MIER2: variants seen among roughly 807,000 people sequenced by gnomAD.
MIER2 encodes the protein MIER family member 2, also known as mesoderm induction early response protein 2.
MIER2 carries 30 observed loss-of-function variants against 67.6 expected under a neutral mutation model. The ratio of observed to expected loss-of-function variants is 0.44; its 90% confidence interval spans 0.33 to 0.60. The LOEUF is 0.60. MIER2 is among the 20% of genes least tolerant of loss of function. The pLI, the probability that MIER2 is intolerant of heterozygous loss-of-function variation, is 0.02. For synonymous variants in MIER2, 372 were observed against 312.6 expected, an observed-to-expected ratio of 1.19 and a Z score of -2.00; for missense variants, 702 against 745.1, an observed-to-expected ratio of 0.94 and a Z score of 0.67.
intron 13 of MIER2, 40 bp downstream of exon 13, chr19:307,079 T>C (rs776359816): frequency 6.5e-7 from 1 of 1,537,270 alleles, no homozygotes. Context: ...GGGACCTGGT[T>C]GGAGTGTTGC....
chr19:310,821 C>T (rs185399192), intron 10 of MIER2, among the ~76,000 whole-genome samples: 263 of 148,536 alleles, frequency 1.8e-3, no homozygotes, highest in Non-Finnish European at 2.3e-3. Context: ...TGTAGAAACA[C>T]GGCCAGGAGT....
Position 336,100 on chromosome 19 carries a change from C to A in MIER2, c.83G>T (p.Gly28Val). ...LEHSLCPGEPGLQTTAVVSMG... is the reference protein window; with the variant it reads ...LEHSLCPGEPVLQTTAVVSMG... ...GAAGGTACCTGCTGTTGTCTGCAAG[C>A]CCGGCTCCCCTGGGCACAGGCTGTG... Residue 28 changes from glycine to valine, a missense_variant, in exon 2 of 14, where the codon GGC becomes GTC. Gly to Val is a moderately radical substitution (Grantham distance 109). Transcript: ENST00000264819. 6.2e-7 allele frequency: 1 copy of A among 1,613,834 alleles called. No homozygotes were observed. The highest frequency in any genetic ancestry group is 1.1e-5 in the South Asian group (1 of 91,052).
chr19:327,178 C>T lies in MIER2; in HGVS notation c.448G>A (p.Val150Met). 8 of 1,596,308 alleles carry T rather than the reference C, an allele frequency of 5.0e-6. No individual in the cohort carries two copies. Among genetic ancestry groups the T allele is most frequent in the Non-Finnish European group, 5.1e-6 (6 of 1,175,040 alleles). The change falls in exon 5 of 14, where the codon GTG (valine) becomes ATG (methionine). Residue 150 changes from valine to methionine, a missense_variant. By Grantham distance (21) the Val-to-Met change is conservative (BLOSUM62 1). Around this residue, in one of 3 missense-constraint regions of MIER2, gnomAD observed 320 missense variants for 292.6 expected, o/e 1.09. Coordinates refer to ENST00000264819, the MANE Select transcript of MIER2 (RefSeq NM_017550.3). ...AGGTCGGAGGCCTCGTGGGAGGTCA[C>T]GGACGGGGTGAGGTCGTCAGCAGAT... ...QSSADDLTPS[V>M]TSHEASDLFP...
intron 1 of MIER2, among the ~76,000 whole-genome samples, chr19:340,810 C>A (rs1972469396): frequency 6.6e-6 from 1 of 152,138 alleles, no homozygotes; most frequent in Admixed American, 6.6e-5. Context: ...TGGAGACTGA[C>A]AGGACCCATC....
Position 336,343 on chromosome 19 carries a change from T to C in MIER2, c.10-170A>G, listed in dbSNP as rs1170748606. On this transcript the variant is annotated intron_variant, in intron 1 of 13. Transcript: ENST00000264819. ...GGGGGCACTAGGAGCAGCACACGCA[T>C]GTGGCCGCCACTCGCCCCGCCTCCC... The C allele has an allele frequency of 2.0e-5, 12 of 613,442 alleles. No homozygotes were observed. In the East Asian group the frequency reaches 2.8e-4, roughly 14 times the overall value. 38.0% of individuals were successfully genotyped at this position (613,442 alleles called of 1,614,324 possible). A position where few individuals can be genotyped will look rare whatever the true frequency, so the allele number is the denominator to read the frequency against.
At chr19:318,183 G>A (rs555967244) in intron 7 of MIER2, among the ~76,000 whole-genome samples, 6 of 152,200 alleles carry the variant, frequency 3.9e-5, no homozygotes, top group South Asian at 2.1e-4. Context: ...CAGAGACTCC[G>A]TCTCAAAAAA....
Position 308,612 on chromosome 19 carries a change from C to T in MIER2, c.1163G>A (p.Arg388His), listed in dbSNP as rs201533895. 3.9e-5 allele frequency: 62 copies of T among 1,606,898 alleles called. No homozygotes were observed. The highest frequency in any genetic ancestry group is 6.7e-5 in the East Asian group (3 of 44,628). Residue 388 changes from arginine to histidine, a missense_variant, in exon 12 of 14, where the codon CGC becomes CAC. This residue lies in a region of MIER2 where 254 missense variants were observed against 262.8 expected (regional missense o/e 0.97). Transcript: ENST00000264819. The surrounding 1 kb of genome is among the most constrained non-coding windows in gnomAD (Gnocchi z 9.1). Reference protein sequence around the residue: ...GSDPDGPGRPRPEQDTLTGMR... With the variant: ...GSDPDGPGRPHPEQDTLTGMR... The stretch of plus-strand genomic sequence containing the variant: ...CCCAGTCAGGGTGTCTTGCTCCGGG[C>T]GCGGACGGCCGGGGCCATCGGGGTC...
chr19:315,096 G>A (rs1372300806), intron 7 of MIER2, among the ~76,000 whole-genome samples: 2 of 151,726 alleles, frequency 1.3e-5, no homozygotes, highest in Non-Finnish European at 2.9e-5. Context: ...CAGGCGTGGT[G>A]GCTCACGCCT....
At chr19:334,341 T>C (rs940842676) in intron 3 of MIER2, 59 bp downstream of exon 3, 1 of 1,603,818 alleles carries the variant, frequency 6.2e-7, no homozygotes, top group African/African-American at 1.3e-5. Context: ...ACAAAACTCA[T>C]GAGGCTTACC....
chr19:309,394 C>CA (rs1568215186), intron 10 of MIER2, among the ~76,000 whole-genome samples: 1 of 152,146 alleles, frequency 6.6e-6, no homozygotes, highest in Non-Finnish European at 1.5e-5. Context: ...GGAAGAGGCA[C>CA]AAGCCCGCGG....
intron 1 of MIER2, among the ~76,000 whole-genome samples, chr19:337,009 A>G (rs538321820): frequency 1.3e-5 from 2 of 152,120 alleles, no homozygotes; most frequent in Admixed American, 1.3e-4. Context: ...CGCCCAGCTA[A>G]TTTCTGTATT....
chr19:312,317 G>A (rs1470452156), intron 8 of MIER2, 45 bp from the exon 9 acceptor site: 2 of 1,585,468 alleles, frequency 1.3e-6, no homozygotes, highest in Non-Finnish European at 1.7e-6. Flanking sequence ...CAGCGCAGGA[G>A]CCGACAGCAA....
chr19:313,381 A>AT, intron 8 of MIER2, 111 bp downstream of exon 8: 1 of 1,502,822 alleles, frequency 6.7e-7, no homozygotes, highest in South Asian at 1.3e-5. Context: ...CACACACCTG[A>AT]CCCCTGCCCT....
chr19:325,111 C>G (rs377305221), intron 7 of MIER2, among the ~76,000 whole-genome samples: 44 of 152,208 alleles, frequency 2.9e-4, no homozygotes, highest in Admixed American at 1.2e-3. Flanking sequence ...CAGGGCAACA[C>G]AAATGAGACC....
chr19:319,605 C>T (rs12985853), intron 7 of MIER2, among the ~76,000 whole-genome samples: 38,592 of 151,946 alleles, frequency 0.25, 6,242 homozygotes, highest in Non-Finnish European at 0.35. Context: ...ACTACAGTTG[C>T]GTGCCACCAC....
chr19:344,323 G>A (rs749464963), intron 1 of MIER2: 24 of 984,956 alleles, frequency 2.4e-5, no homozygotes, highest in Non-Finnish European at 2.9e-5. Flanking sequence ...ATCCCGATGG[G>A]GAGCGCGGGG....
At chr19:323,421 A>T (rs1971587228) in intron 7 of MIER2, among the ~76,000 whole-genome samples, 1 of 151,866 alleles carries the variant, frequency 6.6e-6, no homozygotes, top group African/African-American at 2.4e-5. Context: ...ATCACAATGC[A>T]ATACACAGGA....
At chr19:340,967 C>T (rs1050824783) in intron 1 of MIER2, among the ~76,000 whole-genome samples, 3 of 152,222 alleles carry the variant, frequency 2.0e-5, no homozygotes, top group African/African-American at 7.2e-5. Context: ...GCATCTCACG[C>T]CTCCTGCCCT....
chr19:340,297 C>A (rs866373742), intron 1 of MIER2, among the ~76,000 whole-genome samples: 23 of 152,306 alleles, frequency 1.5e-4, no homozygotes, highest in Non-Finnish European at 2.5e-4. Context: ...GCAGGGGTTA[C>A]GGGTGCCAAC....
Sources: allele counts gnomAD v4.1 joint callset (sites outside exome capture counted in the v4.1 genomes callset), GRCh38; gene constraint gnomAD v4.1.1; regional missense constraint gnomAD v4.1.1; non-coding constraint Gnocchi (gnomAD v3.1); transcripts MANE v1.5; gene names NCBI Gene and HGNC (gene_info 2026-07-23, HGNC 2026-07-21).